Variants in SLC12A4 observed in about 807,000 individuals in gnomAD.
The protein encoded by SLC12A4 is electroneutral potassium-chloride cotransporter 1.
Under a neutral mutation model 119.2 loss-of-function variants are expected in SLC12A4, and 84 were observed. The ratio of observed to expected loss-of-function variants is 0.70; its 90% CI spans 0.59 to 0.85. The LOEUF (loss-of-function observed/expected upper bound fraction) is 0.85, where lower values mean the gene tolerates loss of function less well. Among genes scored for constraint, SLC12A4 ranks in the 40% least tolerant of loss-of-function variants. The pLI is 0.00. For missense variants in SLC12A4, 1,298 were observed against 1,476.3 expected (o/e 0.88, Z 1.98); for synonymous variants, 599 against 604.6 (o/e 0.99, Z 0.14).
At chr16:67,953,258 G>C (rs1265982137) in intron 6 of SLC12A4, among the ~76,000 whole-genome samples, 8 of 134,048 alleles carry the variant, frequency 6.0e-5, no homozygotes, top group African/African-American at 8.4e-5. Context: ...GTGGTGGCAT[G>C]AGCCTGTAAT....
intron 6 of SLC12A4, among the ~76,000 whole-genome samples, chr16:67,952,776 G>C (rs553456961): frequency 1.4e-5 from 2 of 145,294 alleles, no homozygotes; most frequent in South Asian, 2.2e-4. Context: ...GTGACAGAGG[G>C]GGACTCCGTC....
chr16:67,952,216 G>C lies in SLC12A4; in HGVS notation c.885C>G (p.Gly295=). 2 of 1,614,088 alleles carry C rather than the reference G, an allele frequency of 1.2e-6. No homozygotes were observed. The highest frequency in any genetic ancestry group is 1.7e-6 in the Non-Finnish European group (2 of 1,180,018). The change falls in exon 7 of 24, where the codon GGC becomes GGG. Residue 295 remains glycine (G), a synonymous_variant. Coordinates refer to ENST00000316341, the MANE Select transcript of SLC12A4 (RefSeq NM_005072.5). ...CGGGAGGGTCAAATATAGACTTTATGCCCCCAGCATAGATGGAGAGGATGG... is the reference window on the plus strand; with the variant it reads ...CGGGAGGGTCAAATATAGACTTTATCCCCCCAGCATAGATGGAGAGGATGG... ...IISILSIYAG[G]IKSIFDPPVF...
chr16:67,952,481 T>G (rs2029975861), intron 6 of SLC12A4, 56 bp from the exon 7 acceptor site: 2 of 1,601,730 alleles, frequency 1.2e-6, no homozygotes, highest in African/African-American at 2.7e-5. Context: ...AAGTGAAACT[T>G]GTCGTTTTGG....
In SLC12A4 at chr16:67,946,289, T is replaced by C. The variant is rs1484137460; in HGVS notation, c.2489A>G (p.Asn830Ser). ...GTGGTTGCTGGGGTAGAAGGCGATG[T>C]TCTTGGGCACGAGCAGGGCCAGGTG... ...AAHLALLVPK[N>S]IAFYPSNHER... The change falls in exon 19 of 24, where the codon AAC becomes AGC. Residue 830 changes from asparagine (N) to serine (S), a missense_variant. Coordinates refer to ENST00000316341, the MANE Select transcript of SLC12A4 (RefSeq NM_005072.5). The C allele has an allele frequency of 6.2e-7, 1 of 1,613,090 alleles. No homozygotes were observed. Among genetic ancestry groups the C allele is most frequent in the African/African-American group, 1.3e-5 (1 of 75,044 alleles).
At chr16:67,952,151 T>C (rs909186064) in intron 7 of SLC12A4, 33 bp downstream of exon 7, 1 of 1,612,702 alleles carries the variant, frequency 6.2e-7, no homozygotes, top group Non-Finnish European at 8.5e-7. Flanking sequence ...GGGATGTCCA[T>C]GCAATGCCCA....
At chr16:67,952,117 G>A in intron 7 of SLC12A4, 67 bp downstream of exon 7, 1 of 1,609,798 alleles carries the variant, frequency 6.2e-7, no homozygotes, top group Middle Eastern at 1.7e-4. Context: ...GGGATCTGGG[G>A]CATCAAAGGC....
In SLC12A4 at chr16:67,947,733, A is replaced by C. The variant is rs751889641; in HGVS notation, c.1903T>G (p.Trp635Gly). The stretch of plus-strand genomic sequence containing the variant: ...AGCATGGCCACCAGGGCATAGTACC[A>C]GGAGGAGACAAACATAAGGGCCAGG... ...LCLALMFVSS[W>G]YYALVAMLIA... Residue 635 changes from tryptophan to glycine, a missense_variant, in exon 15 of 24, where the codon TGG becomes GGG. Trp to Gly is a radical substitution (Grantham distance 184). Coordinates refer to ENST00000316341, the MANE Select transcript of SLC12A4 (RefSeq NM_005072.5). The C allele has an allele frequency of 1.2e-6, 2 of 1,600,808 alleles. No homozygotes were observed. The highest frequency in any genetic ancestry group is 1.7e-6 in the Non-Finnish European group (2 of 1,174,022).
chr16:67,968,567 CCCCGCCGCACCCGCCGTCCCAGCCG>C lies in SLC12A4; in HGVS notation c.-39_-15del. The C allele has an allele frequency of 6.6e-7, 1 of 1,505,364 alleles. No homozygotes were observed. Among genetic ancestry groups the C allele is most frequent in the Non-Finnish European group, 8.8e-7 (1 of 1,131,810 alleles). 93.3% of individuals were successfully genotyped at this position (1,505,364 alleles called of 1,614,324 possible). On this transcript the variant is annotated 5_prime_UTR_variant, in exon 1 of 24. Transcript: ENST00000316341. ...GAAGTGAGGCATCGTGCGGGCTCGG[CCCCGCCGCACCCGCCGTCCCAGCCG>C]CCCGCCGCTGTCCCCGCCGCTGTCC...
At position 67,948,090 on chromosome 16, in the gene SLC12A4, G is replaced by A. The variant is rs1445326000; in HGVS notation, c.1818C>T (p.Asn606=). 1 of 1,613,068 alleles carries A rather than the reference G, an allele frequency of 6.2e-7. No homozygotes were observed. The highest frequency in any genetic ancestry group is 8.5e-7 in the Non-Finnish European group (1 of 1,179,968). Residue 606 remains asparagine (N), a synonymous_variant, in exon 14 of 24, where the codon AAC becomes AAT. Coordinates refer to ENST00000316341, the MANE Select transcript of SLC12A4 (RefSeq NM_005072.5). ...GATAGTACTTGAACCGGGGCCGCCA[G>A]TTGGGGGTCCTCAGGAGTGTCTGCA... The part of the protein sequence containing the change: ...CAVQTLLRTP[N]WRPRFKYYHW...
Position 67,943,938 on chromosome 16 carries a change from G to C in SLC12A4, c.*902C>G, listed in dbSNP as rs771059474. On this transcript the variant is annotated 3_prime_UTR_variant, in exon 24 of 24. Coordinates refer to ENST00000316341, the MANE Select transcript of SLC12A4 (RefSeq NM_005072.5). This position sits in a 1 kb window ranked among gnomAD's most constrained non-coding sequence, Gnocchi z 4.6. ...TGGCGTGGTGCATCAGGGGCCTGGT[G>C]GGGGCTTACCGAGGATGACGGGCCG... 3 of 1,543,488 alleles carry C rather than the reference G, an allele frequency of 1.9e-6. No homozygotes were observed. The highest frequency in any genetic ancestry group is 2.4e-5 in the South Asian group (2 of 83,120).
chr16:67,954,499 CTT>C, intron 6 of SLC12A4, 142 bp downstream of exon 6: 1 of 1,009,618 alleles, frequency 9.9e-7, no homozygotes, highest in Non-Finnish European at 1.4e-6. Flanking sequence ...GAGTAAAGGT[CTT>C]TGTCTCTCGA....
intron 17 of SLC12A4, 32 bp from the exon 18 acceptor site, chr16:67,946,665 G>A (rs771553583): frequency 6.3e-7 from 1 of 1,584,154 alleles, no homozygotes; most frequent in Non-Finnish European, 8.6e-7. Flanking sequence ...CCAATGGGAG[G>A]CCATCAGCTT....
In SLC12A4 at chr16:67,968,604, C is replaced by T. The variant is rs1217414091; in HGVS notation, c.-51G>A. On this transcript the variant is annotated 5_prime_UTR_variant, in exon 1 of 24. Transcript: ENST00000316341. ...CGCCGTCCCAGCCGCCCGCCGCTGT[C>T]CCCGCCGCTGTCCCCGCCGCCCCGG... 9.5e-6 allele frequency: 13 copies of T among 1,372,690 alleles called. No homozygotes were observed. The highest frequency in any genetic ancestry group is 1.1e-5 in the Non-Finnish European group (12 of 1,053,026). The allele number at this position is 1,372,690 out of a possible 1,614,324, so 85.0% of individuals were successfully genotyped here. A position where few individuals can be genotyped will look rare whatever the true frequency, so the allele number is the denominator to read the frequency against.
Position 67,954,746 on chromosome 16 carries a change from C to G in SLC12A4, c.572G>C (p.Arg191Pro). The G allele has an allele frequency of 6.2e-7, 1 of 1,614,056 alleles. No individual in the cohort carries two copies. Among genetic ancestry groups the G allele is most frequent in the Non-Finnish European group, 8.5e-7 (1 of 1,180,010 alleles). Residue 191 changes from arginine (R) to proline (P), a missense_variant, in exon 6 of 24, where the codon CGT becomes CCT. Arg to Pro is a moderately radical substitution (Grantham distance 103, BLOSUM62 -2). Coordinates refer to ENST00000316341, the MANE Select transcript of SLC12A4 (RefSeq NM_005072.5). Reference protein sequence around the residue: ...PAGGSYFMISRSLGPEFGGAV... With the variant: ...PAGGSYFMISPSLGPEFGGAV... ...ACCTCCAAATTCTGGCCCCAGTGAA[C>G]GAGAGATCATGAAATAGGAGCCCCC...
chr16:67,968,205 G>C (rs963680437), intron 1 of SLC12A4, among the ~76,000 whole-genome samples: 1 of 152,000 alleles, frequency 6.6e-6, no homozygotes, highest in African/African-American at 2.4e-5. Context: ...GGGGCCCACA[G>C]GGGAGGAGCT....
rs550087244 is a variant in SLC12A4 at position 67,950,267 on chromosome 16, C to T, written c.1629+52G>A. On this transcript the variant is annotated intron_variant, in intron 12 of 23. Coordinates refer to ENST00000316341, the MANE Select transcript of SLC12A4 (RefSeq NM_005072.5). This position sits in a 1 kb window ranked among gnomAD's most constrained non-coding sequence, Gnocchi z 4.3. ...TGTGTTCCCTATCTCTCTCCCCAGC[C>T]GGGCGAGGGCCTGGGAGCAGCCAGG... 46 of 1,582,922 alleles carry T rather than the reference C, an allele frequency of 2.9e-5. No individual in the cohort carries two copies. In the Admixed American group the frequency reaches 3.2e-4, roughly 11 times the overall value.
intron 14 of SLC12A4, 114 bp from the exon 15 acceptor site, chr16:67,947,902 G>C (rs1379240291): frequency 6.0e-6 from 9 of 1,493,300 alleles, no homozygotes; most frequent in Non-Finnish European, 8.2e-6. Context: ...CAGGTGGGTG[G>C]TCAGGTCACT....
chr16:67,958,853 T>C (rs1312337157), intron 3 of SLC12A4, among the ~76,000 whole-genome samples: 1 of 152,156 alleles, frequency 6.6e-6, no homozygotes, highest in East Asian at 1.9e-4. Flanking sequence ...CTCGGGAAGA[T>C]GTCCGAAGGT....
chr16:67,961,739 G>A, intron 2 of SLC12A4, 33 bp from the exon 3 acceptor site: 1 of 1,612,332 alleles, frequency 6.2e-7, no homozygotes, highest in Non-Finnish European at 8.5e-7. Context: ...AGATGGCATT[G>A]GGCCAGGTGG....
Sources: allele counts gnomAD v4.1 joint callset (sites outside exome capture counted in the v4.1 genomes callset), GRCh38; gene constraint gnomAD v4.1.1; non-coding constraint Gnocchi (gnomAD v3.1); transcripts MANE v1.5; gene names NCBI Gene and HGNC (gene_info 2026-07-23, HGNC 2026-07-21).